FRMD4A: variants seen among roughly 807,000 people sequenced by gnomAD.
FRMD4A encodes the protein FERM domain-containing protein 4A.
Under a neutral mutation model 129.1 loss-of-function variants are expected in FRMD4A, and 29 were observed. The observed-to-expected ratio is 0.22, with a 90% CI of 0.17 to 0.31. The LOEUF (loss-of-function observed/expected upper bound fraction) is 0.31. Ranked by LOEUF, FRMD4A falls within the 10% of genes least tolerant of loss-of-function variation. FRMD4A has a pLI of 1.00. For synonymous variants in FRMD4A, 634 were observed against 571.6 expected, an observed-to-expected ratio of 1.11 and a Z score of -1.56; for missense variants, 1,272 against 1,375.8, an observed-to-expected ratio of 0.92 and a Z score of 1.19.
intron 2 of FRMD4A, among the ~76,000 whole-genome samples, chr10:14,223,318 C>T (rs1331736418): frequency 6.6e-6 from 1 of 152,208 alleles, no homozygotes; most frequent in African/African-American, 2.4e-5. Flanking sequence ...AAAATTCTTC[C>T]TTTCTTCCCC....
rs1035222555 is a variant in FRMD4A, at chr10:13,811,166, C to T, written c.112-258G>A. Among the ~76,000 whole-genome samples, 23 of 151,066 alleles carry T rather than the reference C, an allele frequency of 1.5e-4. No homozygotes were observed. In the South Asian group the frequency reaches 2.3e-3, roughly 15 times the overall value. ...TTTTTTTTTAATTGAGATGGAGTCT[C>T]GCTCTGTCATCCAGGCTGGAGTGCA... is the stretch of plus-strand genomic sequence containing the variant. On this transcript the variant is annotated intron_variant, in intron 3 of 24. Coordinates refer to ENST00000357447, the MANE Select transcript of FRMD4A (RefSeq NM_018027.5).
At chr10:13,770,523 A>G (rs984488732) in intron 6 of FRMD4A, among the ~76,000 whole-genome samples, 1 of 152,166 alleles carries the variant, frequency 6.6e-6, no homozygotes, top group Non-Finnish European at 1.5e-5. Flanking sequence ...AGTTCACTGC[A>G]GCCTTGAACT....
chr10:13,990,812 C>A (rs1162917168), intron 2 of FRMD4A, among the ~76,000 whole-genome samples: 1 of 152,196 alleles, frequency 6.6e-6, no homozygotes, highest in Non-Finnish European at 1.5e-5. Context: ...TCAACCTGAT[C>A]ACCCTGGAAG....
intron 2 of FRMD4A, among the ~76,000 whole-genome samples, chr10:13,959,241 A>T (rs1023702246): frequency 9.2e-5 from 14 of 152,124 alleles, no homozygotes; most frequent in Admixed American, 7.2e-4. Context: ...TGGGAGGCCA[A>T]GGCAGGCAGA....
At chr10:13,768,830 AG>A (rs2092368501) in intron 6 of FRMD4A, among the ~76,000 whole-genome samples, 1 of 152,126 alleles carries the variant, frequency 6.6e-6, no homozygotes, top group Admixed American at 6.5e-5. Flanking sequence ...GGGTTTGGTG[AG>A]GCATAAATGA....
At chr10:13,745,110 G>T (rs1339738798) in intron 9 of FRMD4A, among the ~76,000 whole-genome samples, 2 of 152,168 alleles carry the variant, frequency 1.3e-5, no homozygotes, top group East Asian at 1.9e-4. Context: ...TCGAGGTGAT[G>T]GATATCCCAG....
chr10:14,255,317 A>C (rs987891553), intron 2 of FRMD4A, among the ~76,000 whole-genome samples: 3 of 152,224 alleles, frequency 2.0e-5, no homozygotes, highest in Admixed American at 6.5e-5. Context: ...ACATAGCCAC[A>C]GTGCTACCCA....
intron 12 of FRMD4A, among the ~76,000 whole-genome samples, chr10:13,708,514 G>T (rs2087700326): frequency 6.6e-6 from 1 of 152,234 alleles, no homozygotes; most frequent in Non-Finnish European, 1.5e-5. Flanking sequence ...TTACAGAGTT[G>T]CCTCTTTTGT....
chr10:13,671,550 G>C (rs2083512318), intron 16 of FRMD4A, among the ~76,000 whole-genome samples: 1 of 152,208 alleles, frequency 6.6e-6, no homozygotes, highest in African/African-American at 2.4e-5. Flanking sequence ...TTGGGCCCCG[G>C]AAATCTACTT....
At chr10:13,729,048 C>T (rs2090131368) in intron 12 of FRMD4A, among the ~76,000 whole-genome samples, 1 of 151,018 alleles carries the variant, frequency 6.6e-6, no homozygotes, top group Non-Finnish European at 1.5e-5. Context: ...GTAGCAGATT[C>T]TGGGAACTCC....
intron 2 of FRMD4A, among the ~76,000 whole-genome samples, chr10:13,884,208 TCACACACACACA>T (rs747364370): frequency 2.4e-5 from 2 of 81,714 alleles, no homozygotes; most frequent in South Asian, 4.6e-4. Flanking sequence ...ACACACACAC[TCACACACACACA>T]CACACACACA....
chr10:13,794,740 G>A (rs957521029), intron 5 of FRMD4A, among the ~76,000 whole-genome samples: 1 of 152,200 alleles, frequency 6.6e-6, no homozygotes, highest in East Asian at 1.9e-4. Context: ...AGTGTTCTTT[G>A]AGGTTCTTGC....
chr10:13,741,100 T>G (rs2090975842), intron 9 of FRMD4A, among the ~76,000 whole-genome samples: 1 of 152,194 alleles, frequency 6.6e-6, no homozygotes, highest in Non-Finnish European at 1.5e-5. Context: ...GTACTGGGAT[T>G]ACAGGCGTGA....
At chr10:14,008,276 A>G (rs2095669672) in intron 2 of FRMD4A, 2 of 1,027,030 alleles carry the variant, frequency 1.9e-6, no homozygotes, top group South Asian at 3.5e-5. Flanking sequence ...AGGGTTCCCA[A>G]ATATCAAATA....
Position 13,945,874 on chromosome 10 carries a change from C to T in FRMD4A, c.46-86962G>A, listed in dbSNP as rs906059510. Among the ~76,000 whole-genome samples the T allele has an allele frequency of 3.9e-5, 6 of 152,288 alleles. No individual in the cohort carries two copies. The East Asian group carries it at 9.6e-4, about 24-fold the overall frequency. On this transcript the variant is annotated intron_variant, in intron 2 of 24. Coordinates refer to ENST00000357447, the MANE Select transcript of FRMD4A (RefSeq NM_018027.5). ...TCATTTCCTTGCTCATGACTGCAGG[C>T]TTCAAGGAAGAAGCCAGACCAGGCC...
At chr10:14,184,519 C>T (rs1842020210) in intron 2 of FRMD4A, among the ~76,000 whole-genome samples, 1 of 151,886 alleles carries the variant, frequency 6.6e-6, no homozygotes, top group Non-Finnish European at 1.5e-5. Context: ...TACTACTTCT[C>T]CAATGTTAAA....
At chr10:14,224,126 A>G (rs1199177226) in intron 2 of FRMD4A, among the ~76,000 whole-genome samples, 1 of 152,206 alleles carries the variant, frequency 6.6e-6, no homozygotes, top group East Asian at 1.9e-4. Context: ...GGAAAGAACT[A>G]GCTCCTCTTT....
At chr10:13,739,649 C>T (rs1167339631) in intron 11 of FRMD4A, among the ~76,000 whole-genome samples, 2 of 152,188 alleles carry the variant, frequency 1.3e-5, no homozygotes, top group Admixed American at 6.5e-5. Flanking sequence ...CAGAGGCAGC[C>T]TTTCTGTTAA....
At chr10:13,722,060 G>C (rs1019518547) in intron 12 of FRMD4A, among the ~76,000 whole-genome samples, 2 of 152,136 alleles carry the variant, frequency 1.3e-5, no homozygotes, top group Non-Finnish European at 1.5e-5. Context: ...TCGCTCCAGG[G>C]GGTACAGGGA....
Sources: gnomAD v4.1 joint callset for allele counts (sites outside exome capture counted in the v4.1 genomes callset) on GRCh38, gnomAD v4.1.1 for gene constraint, MANE v1.5 for transcripts, NCBI Gene and HGNC (gene_info 2026-07-23, HGNC 2026-07-21) for gene names.